The following STK39 variants were observed in gnomAD, a reference collection of about 807,000 sequenced individuals.
STK39 encodes STE20/SPS1-related proline-alanine-rich protein kinase.
A neutral mutation model predicts 77.8 loss-of-function variants in STK39; 20 were observed. The observed-to-expected ratio is 0.26, with a 90% CI of 0.18 to 0.37. The LOEUF (loss-of-function observed/expected upper bound fraction) is 0.37, where lower values mean the gene tolerates loss of function less well. Ranked by LOEUF, STK39 falls within the 10% of genes least tolerant of loss-of-function variation. The pLI, the probability that STK39 is intolerant of heterozygous loss-of-function variation, is 1.00. For missense variants in STK39, 479 were observed against 656.5 expected, an observed-to-expected ratio of 0.73 and a Z score of 2.95; for synonymous variants, 246 against 234.1, an observed-to-expected ratio of 1.05 and a Z score of -0.47.
intron 10 of STK39, among the ~76,000 whole-genome samples, chr2:168,076,990 A>G (rs574819517): frequency 2.4e-4 from 37 of 152,358 alleles, no homozygotes; most frequent in East Asian, 3.9e-4. Context: ...TGACATATAC[A>G]ATAAAATTAT....
chr2:168,019,655 TTGTGTGC>T (rs1394136846), intron 14 of STK39, among the ~76,000 whole-genome samples: 2 of 152,198 alleles, frequency 1.3e-5, no homozygotes, highest in Non-Finnish European at 2.9e-5. Context: ...GGAGGATGGT[TTGTGTGC>T]TGCACTGTTT....
At chr2:168,000,967 C>A (rs1446761953) in intron 16 of STK39, among the ~76,000 whole-genome samples, 1 of 152,120 alleles carries the variant, frequency 6.6e-6, no homozygotes, top group African/African-American at 2.4e-5. Context: ...GCATTAAATC[C>A]ATTTCTCAAG....
intron 16 of STK39, among the ~76,000 whole-genome samples, chr2:167,994,075 C>G (rs1683769202): frequency 6.6e-6 from 1 of 152,150 alleles, no homozygotes; most frequent in East Asian, 1.9e-4. Context: ...AGTCTTATAC[C>G]AACCAGTGAA....
intron 14 of STK39, among the ~76,000 whole-genome samples, chr2:168,019,583 C>T (rs77545967): frequency 0.095 from 14,519 of 152,142 alleles, 1,309 homozygotes; most frequent in African/African-American, 0.22. Context: ...TCATGTTGGA[C>T]CCCAGACTAA....
intron 8 of STK39, among the ~76,000 whole-genome samples, chr2:168,137,259 C>G (rs1687864006): frequency 6.6e-6 from 1 of 152,100 alleles, no homozygotes; most frequent in Non-Finnish European, 1.5e-5. Context: ...AAATTGGATC[C>G]TCAGGTGGAT....
At chr2:168,227,175 T>C (rs1243753346) in intron 1 of STK39, among the ~76,000 whole-genome samples, 2 of 152,232 alleles carry the variant, frequency 1.3e-5, no homozygotes, top group African/African-American at 4.8e-5. Flanking sequence ...TATTACATTT[T>C]GGAAAAATCT....
chr2:168,211,348 C>A (rs182684639), intron 1 of STK39, among the ~76,000 whole-genome samples: 32 of 152,234 alleles, frequency 2.1e-4, no homozygotes, highest in Admixed American at 9.2e-4. Context: ...ACACATGAGT[C>A]AAGAGGAAGT....
At chr2:167,988,230 C>G (rs1683608225) in intron 16 of STK39, among the ~76,000 whole-genome samples, 1 of 152,114 alleles carries the variant, frequency 6.6e-6, no homozygotes, top group African/African-American at 2.4e-5. Context: ...GCATGGAGTC[C>G]CCTCCCCTAT....
intron 1 of STK39, among the ~76,000 whole-genome samples, chr2:168,208,158 A>G (rs989484689): frequency 2.6e-5 from 4 of 152,214 alleles, no homozygotes; most frequent in Non-Finnish European, 5.9e-5. Flanking sequence ...ATAATGTTTA[A>G]TATGTATAAG....
At chr2:168,124,631 T>C (rs567155588) in intron 10 of STK39, among the ~76,000 whole-genome samples, 1 of 152,284 alleles carries the variant, frequency 6.6e-6, no homozygotes, top group South Asian at 2.1e-4. Context: ...ACTCCTGACC[T>C]CAAGTGATCC....
At chr2:168,223,531 A>G (rs1182081874) in intron 1 of STK39, among the ~76,000 whole-genome samples, 3 of 147,742 alleles carry the variant, frequency 2.0e-5, no homozygotes, top group Non-Finnish European at 4.5e-5. Flanking sequence ...AAAAAAAAAG[A>G]AAAGAAAATT....
At chr2:168,152,349 T>C (rs969320501) in intron 5 of STK39, among the ~76,000 whole-genome samples, 1 of 152,228 alleles carries the variant, frequency 6.6e-6, no homozygotes, top group Non-Finnish European at 1.5e-5. Flanking sequence ...TCCTCTGATT[T>C]GAATTCTTCA....
At chr2:168,163,688 C>T in intron 4 of STK39, 51 bp downstream of exon 4, 1 of 1,609,916 alleles carries the variant, frequency 6.2e-7, no homozygotes, top group Non-Finnish European at 8.5e-7. Flanking sequence ...CCTTCCAAAA[C>T]CTCTTTAAGA....
At chr2:168,195,880 G>A (rs1689456915) in intron 1 of STK39, among the ~76,000 whole-genome samples, 1 of 152,208 alleles carries the variant, frequency 6.6e-6, no homozygotes, top group Non-Finnish European at 1.5e-5. Flanking sequence ...AGATGGGCGT[G>A]GTGGCGGGCA....
At chr2:168,207,412 T>C (rs1689769882) in intron 1 of STK39, among the ~76,000 whole-genome samples, 1 of 152,198 alleles carries the variant, frequency 6.6e-6, no homozygotes, top group South Asian at 2.1e-4. Flanking sequence ...GCCTCCACCC[T>C]TATGTCTCAT....
intron 10 of STK39, among the ~76,000 whole-genome samples, chr2:168,117,631 C>T (rs371128250): frequency 6.6e-6 from 1 of 152,142 alleles, no homozygotes; most frequent in Non-Finnish European, 1.5e-5. Flanking sequence ...AGAAAAGATG[C>T]TAGGCTGGGA....
At chr2:168,076,679 A>AT (rs200523838) in intron 10 of STK39, among the ~76,000 whole-genome samples, 8 of 151,444 alleles carry the variant, frequency 5.3e-5, no homozygotes, top group Non-Finnish European at 1.0e-4. Flanking sequence ...AGTTATGCTC[A>AT]TTTTTTTTTA....
intron 5 of STK39, among the ~76,000 whole-genome samples, chr2:168,149,759 T>C (rs1003700614): frequency 1.1e-4 from 16 of 152,354 alleles, no homozygotes; most frequent in Admixed American, 4.6e-4. Flanking sequence ...GTATCAAGCA[T>C]GGCTTTTCAT....
chr2:167,975,442 T>C (rs1375495012), intron 16 of STK39, among the ~76,000 whole-genome samples: 2 of 152,054 alleles, frequency 1.3e-5, no homozygotes, highest in African/African-American at 4.8e-5. Flanking sequence ...TTACTAACCT[T>C]CCCTCTTACA....
Sources: gnomAD v4.1 joint callset for allele counts (sites outside exome capture counted in the v4.1 genomes callset) on GRCh38, gnomAD v4.1.1 for gene constraint, MANE v1.5 for transcripts, NCBI Gene and HGNC (gene_info 2026-07-23, HGNC 2026-07-21) for gene names.